The following CENPI variants were observed in gnomAD, a reference collection of about 807,000 sequenced individuals.
CENPI encodes FSH primary response 1.
CENPI carries 4 observed loss-of-function variants against 60.4 expected under a neutral mutation model. The observed-to-expected ratio is 0.07, with a 90% CI of 0.03 to 0.15. The LOEUF (loss-of-function observed/expected upper bound fraction) is 0.15. Among genes scored for constraint, CENPI ranks in the 10% least tolerant of loss-of-function variants. The probability of loss-of-function intolerance (pLI) is 1.00; values close to 1 mark genes in which losing one functional copy is unlikely to be tolerated. For synonymous variants in CENPI, 157 were observed against 189.4 expected, an observed-to-expected ratio of 0.83 and a Z score of 1.40; for missense variants, 444 against 534.5, an observed-to-expected ratio of 0.83 and a Z score of 1.67.
intron 6 of CENPI, among the ~76,000 whole-genome samples, chrX:101,114,511 TTC>T (rs1452180411): frequency 1.8e-5 from 2 of 112,372 alleles, no homozygotes; most frequent in Non-Finnish European, 3.8e-5. Context: ...TAATCTAATT[TTC>T]TGTCTTTATA....
chrX:101,118,044 G>A (rs1044142093), intron 6 of CENPI, among the ~76,000 whole-genome samples: 3 of 111,612 alleles, frequency 2.7e-5, no homozygotes, highest in Non-Finnish European at 5.6e-5. Flanking sequence ...GTAAGACCAC[G>A]GTGATTTGTT....
chrX:101,101,942 A>G (rs1715575011), intron 3 of CENPI, among the ~76,000 whole-genome samples: 1 of 112,291 alleles, frequency 8.9e-6, no homozygotes, highest in Non-Finnish European at 1.9e-5. Flanking sequence ...GTGCAGTGGC[A>G]TGATCATTGT....
intron 15 of CENPI, among the ~76,000 whole-genome samples, chrX:101,139,973 T>TA (rs1216498631): frequency 1.8e-5 from 2 of 110,454 alleles, no homozygotes; most frequent in African/African-American, 6.6e-5. Context: ...TAGTTGGGAC[T>TA]ACAGGCGCCC....
the CENPI span, among the ~76,000 whole-genome samples, chrX:101,173,982 C>T: frequency 1.8e-5 from 2 of 111,714 alleles, no homozygotes; most frequent in Non-Finnish European, 3.8e-5. Flanking sequence ...GGCCAGAAAA[C>T]GTATGAAAAA....
chrX:101,109,821 G>A (rs997884453), intron 5 of CENPI, 70 bp from the exon 6 acceptor site: 5 of 746,670 alleles, frequency 6.7e-6, no homozygotes, highest in African/African-American at 6.3e-5. Flanking sequence ...GGCGGGGGAC[G>A]GGGGGCGGAA....
At chrX:101,150,770 C>T (rs1396662073) in intron 20 of CENPI, among the ~76,000 whole-genome samples, 1 of 111,045 alleles carries the variant, frequency 9.0e-6, no homozygotes, top group Admixed American at 9.8e-5. Flanking sequence ...CCATCTTTTA[C>T]CATCTTCTGC....
intron 6 of CENPI, among the ~76,000 whole-genome samples, chrX:101,116,379 C>G (rs112179653): frequency 9.1e-6 from 1 of 109,575 alleles, no homozygotes; most frequent in Admixed American, 9.8e-5. Context: ...CAATGTGGCC[C>G]GGATAACAAA....
chrX:101,160,287 T>C (rs2090095215), intron 20 of CENPI, among the ~76,000 whole-genome samples: 1 of 111,479 alleles, frequency 9.0e-6, no homozygotes, highest in African/African-American at 3.3e-5. Flanking sequence ...AAGCAGTGAT[T>C]CATACTTGTT....
the CENPI span, among the ~76,000 whole-genome samples, chrX:101,171,313 A>T: frequency 7.8e-4 from 85 of 108,775 alleles, 1 homozygote; most frequent in South Asian, 3.2e-3. Context: ...AATTTTTTTT[A>T]AAATGAAAAG....
chrX:101,120,450 G>C lies in CENPI; in HGVS notation c.640G>C (p.Val214Leu). The C allele has an allele frequency of 1.1e-6, 1 of 943,024 alleles. No homozygotes were observed. Among genetic ancestry groups the C allele is most frequent in the Non-Finnish European group, 1.5e-6 (1 of 654,716 alleles). The allele number at this position is 943,024 out of a possible 1,213,427, so 77.7% of individuals were successfully genotyped here. ...ATATTTACTTACCAAAAAAGAGAAT[G>C]GTGAGTATTTTCATTACAGTTGTAT... ...LLYLLTKKEN[V>L]KPFRVRKLLD... The change falls in exon 7 of 22, where the codon GTC (valine) becomes CTC (leucine). Residue 214 changes from valine to leucine, a missense_variant and splice_region_variant. Val to Leu is a conservative substitution (Grantham distance 32). Transcript: ENST00000682095.
intron 6 of CENPI, among the ~76,000 whole-genome samples, chrX:101,113,200 G>T (rs898143143): frequency 4.7e-5 from 5 of 106,619 alleles, no homozygotes; most frequent in African/African-American, 1.7e-4. Context: ...GCTGAAGAAT[G>T]CTTTAACTCT....
intron 8 of CENPI, among the ~76,000 whole-genome samples, chrX:101,122,625 C>T (rs1053142462): frequency 1.5e-4 from 17 of 111,353 alleles, no homozygotes; most frequent in African/African-American, 5.5e-4. Flanking sequence ...CACCTGTAAT[C>T]CCAGCACTTT....
At chrX:101,107,154 A>G (rs2148138638) in intron 4 of CENPI, among the ~76,000 whole-genome samples, 1 of 105,326 alleles carries the variant, frequency 9.5e-6, no homozygotes, top group Non-Finnish European at 2.0e-5. Flanking sequence ...ATATATTTTT[A>G]ATTTTATATT....
chrX:101,113,329 G>GTT (rs750407391), intron 6 of CENPI, among the ~76,000 whole-genome samples: 20 of 90,598 alleles, frequency 2.2e-4, no homozygotes, highest in South Asian at 5.1e-4. Flanking sequence ...ACACAGAGTA[G>GTT]ATTTTTTTTT....
intron 4 of CENPI, 43 bp from the exon 5 acceptor site, chrX:101,109,430 G>A (rs753178979): frequency 3.0e-5 from 29 of 981,849 alleles, no homozygotes; most frequent in Middle Eastern, 2.6e-4. Flanking sequence ...AAGAACAATC[G>A]AGACACTAAA....
At chrX:101,123,053 T>C (rs892757503) in intron 8 of CENPI, among the ~76,000 whole-genome samples, 4 of 112,345 alleles carry the variant, frequency 3.6e-5, no homozygotes, top group African/African-American at 9.7e-5. Context: ...ATTATTCCAT[T>C]GTCAGTAAGT....
intron 18 of CENPI, among the ~76,000 whole-genome samples, chrX:101,147,389 C>G (rs1004652777): frequency 1.8e-5 from 2 of 109,540 alleles, no homozygotes; most frequent in South Asian, 4.1e-4. Flanking sequence ...CCCCTTGACC[C>G]CCGACCCCCG....
rs1240615341 is a variant in CENPI, at chrX:101,101,152, T to C, written c.82T>C (p.Ser28Pro). Residue 28 changes from serine to proline, a missense_variant, in exon 3 of 22, where the codon TCA (serine) becomes CCA (proline). Physicochemically the swap from Ser to Pro is moderately conservative, Grantham distance 74. Transcript: ENST00000682095. ...QGSSSFQTTL[S>P]AWKVKQDPSN... ...TAGTAGTAGTTTTCAGACCACGCTT[T>C]CAGCCTGGAAAGTAAAACAGGATCC... is the stretch of plus-strand genomic sequence containing the variant. 1.7e-6 allele frequency: 2 copies of C among 1,210,909 alleles called. No homozygotes were observed. Among genetic ancestry groups the C allele is most frequent in the Admixed American group, 4.3e-5 (2 of 45,982 alleles).
the CENPI span, among the ~76,000 whole-genome samples, chrX:101,172,475 ATATAT>A: frequency 6.3e-5 from 7 of 111,619 alleles, no homozygotes; most frequent in East Asian, 5.6e-4. Context: ...AAAAAAAAAC[ATATAT>A]TATGACATGG....
Sources: gnomAD v4.1 joint callset for allele counts (sites outside exome capture counted in the v4.1 genomes callset) on GRCh38, gnomAD v4.1.1 for gene constraint, MANE v1.5 for transcripts, NCBI Gene and HGNC (gene_info 2026-07-23, HGNC 2026-07-21) for gene names.